Variants in CNGB3 observed in about 807,000 individuals in gnomAD.
CNGB3 encodes the protein cyclic nucleotide gated channel subunit beta 3.
A neutral mutation model predicts 92.8 loss-of-function variants in CNGB3; 86 were observed. The observed-to-expected ratio is 0.93, with a 90% CI of 0.78 to 1.11. The LOEUF (loss-of-function observed/expected upper bound fraction) is 1.11, where lower values mean the gene tolerates loss of function less well. CNGB3 is among the 50% of genes least tolerant of loss of function. CNGB3 has a pLI of 0.00. For missense variants in CNGB3, 1,026 were observed against 956.8 expected (o/e 1.07, Z -0.95); for synonymous variants, 333 against 332.7 (o/e 1.00, Z -0.01).
chr8:86,644,768 TA>T, intron 8 of CNGB3, 82 bp from the exon 9 acceptor site: 1 of 948,110 alleles, frequency 1.1e-6, no homozygotes, highest in East Asian at 3.4e-5. Flanking sequence ...AAATAGATTT[TA>T]TTACTGAAAA....
rs529936401 is a variant in CNGB3 at position 86,583,707 on chromosome 8, C to G, written c.1782-4455G>C. Reference sequence around the variant, plus strand: ...GGTTGAGGCAGGCAGATTGCTGGAGCCCAGGAGTTCGAGACCAGACTGGGC... The same window carrying G: ...GGTTGAGGCAGGCAGATTGCTGGAGGCCAGGAGTTCGAGACCAGACTGGGC... On this transcript the variant is annotated intron_variant, in intron 15 of 17. Transcript: ENST00000320005. Among the ~76,000 whole-genome samples the G allele has an allele frequency of 7.2e-5, 11 of 151,926 alleles. 1 individual carries two copies. The East Asian group carries it at 1.4e-3, about 19-fold the overall frequency.
At chr8:86,614,160 T>A (rs1365463934) in intron 13 of CNGB3, among the ~76,000 whole-genome samples, 1 of 152,022 alleles carries the variant, frequency 6.6e-6, no homozygotes, top group Non-Finnish European at 1.5e-5. Context: ...GGTTTCCAGT[T>A]CTCTACCTCT....
chr8:86,672,129 C>T (rs78304917), intron 3 of CNGB3, among the ~76,000 whole-genome samples: 1 of 152,118 alleles, frequency 6.6e-6, no homozygotes, highest in Non-Finnish European at 1.5e-5. Flanking sequence ...GACTGAGTCT[C>T]ACGTTGTCGC....
At chr8:86,739,974 T>C (rs373897493) in intron 1 of CNGB3, among the ~76,000 whole-genome samples, 3 of 152,210 alleles carry the variant, frequency 2.0e-5, no homozygotes, top group South Asian at 4.1e-4. Context: ...GTGTTTCTCT[T>C]GTTCACATTC....
chr8:86,732,195 CAG>C lies in CNGB3; in HGVS notation c.212-5540_212-5539del, dbSNP rs376398931. On this transcript the variant is annotated intron_variant, in intron 2 of 17. Coordinates refer to ENST00000320005, the MANE Select transcript of CNGB3 (RefSeq NM_019098.5). ...TCTGTTCTCTATTCAATATTTAAAA[CAG>C]GGTATGCTTTCCATGCCAAACTTCG... Among the ~76,000 whole-genome samples the C allele has an allele frequency of 2.3e-3, 351 of 152,232 alleles. 2 individuals carry two copies. Among genetic ancestry groups the C allele is most frequent in the African/African-American group, 7.9e-3 (327 of 41,524 alleles).
chr8:86,712,893 C>G (rs1187652038), intron 3 of CNGB3, among the ~76,000 whole-genome samples: 2 of 150,962 alleles, frequency 1.3e-5, no homozygotes, highest in African/African-American at 4.9e-5. Flanking sequence ...GCCTGGCTTT[C>G]TGGCTACTTT....
At chr8:86,665,082 C>T (rs148510237) in intron 6 of CNGB3, among the ~76,000 whole-genome samples, 1 of 152,182 alleles carries the variant, frequency 6.6e-6, no homozygotes, top group Non-Finnish European at 1.5e-5. Flanking sequence ...ATTTGCCTAG[C>T]GGTCACCATA....
chr8:86,671,503 T>A (rs1181918660), intron 3 of CNGB3, among the ~76,000 whole-genome samples: 1 of 152,200 alleles, frequency 6.6e-6, no homozygotes, highest in Non-Finnish European at 1.5e-5. Context: ...CCATCAGTAG[T>A]CCATGTTATG....
At chr8:86,617,079 G>A (rs1176220521) in intron 13 of CNGB3, among the ~76,000 whole-genome samples, 2 of 152,170 alleles carry the variant, frequency 1.3e-5, no homozygotes, top group Admixed American at 1.3e-4. Flanking sequence ...TTACCGATTT[G>A]AATGAGGATA....
chr8:86,618,175 T>G (rs749269712), intron 13 of CNGB3, among the ~76,000 whole-genome samples: 2 of 152,220 alleles, frequency 1.3e-5, no homozygotes, highest in Non-Finnish European at 2.9e-5. Context: ...TGGGTGGTAA[T>G]GCCAGCAATG....
At chr8:86,719,029 T>C (rs567768225) in intron 3 of CNGB3, among the ~76,000 whole-genome samples, 1 of 151,854 alleles carries the variant, frequency 6.6e-6, no homozygotes, top group Non-Finnish European at 1.5e-5. Flanking sequence ...CTTAAGGTAA[T>C]AAAAGCCATC....
intron 3 of CNGB3, among the ~76,000 whole-genome samples, chr8:86,720,716 A>G (rs1824950015): frequency 6.6e-6 from 1 of 151,966 alleles, no homozygotes; most frequent in Non-Finnish European, 1.5e-5. Context: ...ATAGCAGCAC[A>G]ATTTGCTGTT....
chr8:86,714,854 T>C (rs1411887371), intron 3 of CNGB3, among the ~76,000 whole-genome samples: 1 of 151,698 alleles, frequency 6.6e-6, no homozygotes, highest in Non-Finnish European at 1.5e-5. Flanking sequence ...TGGGAGCGGG[T>C]GAGGCCTGTG....
chr8:86,652,584 T>C (rs1823427603), intron 7 of CNGB3, among the ~76,000 whole-genome samples: 1 of 152,040 alleles, frequency 6.6e-6, no homozygotes, highest in Non-Finnish European at 1.5e-5. Flanking sequence ...AAAATGTTTT[T>C]ATTTTTACTT....
At chr8:86,740,190 G>C (rs765003380) in intron 1 of CNGB3, among the ~76,000 whole-genome samples, 3 of 152,168 alleles carry the variant, frequency 2.0e-5, no homozygotes, top group Non-Finnish European at 4.4e-5. Context: ...ACTAGACATG[G>C]CCAGTGTGTG....
At chr8:86,672,389 G>A (rs752851353) in intron 3 of CNGB3, among the ~76,000 whole-genome samples, 11 of 152,240 alleles carry the variant, frequency 7.2e-5, no homozygotes, top group South Asian at 6.2e-4. Context: ...TTGAGCCTCC[G>A]TCCCCAGCCA....
At chr8:86,688,897 G>T (rs1159394994) in intron 3 of CNGB3, among the ~76,000 whole-genome samples, 1 of 151,460 alleles carries the variant, frequency 6.6e-6, no homozygotes, top group African/African-American at 2.4e-5. Flanking sequence ...TTTACTTGAA[G>T]TTTTTCTACT....
chr8:86,586,384 G>A (rs1190474406), intron 15 of CNGB3, among the ~76,000 whole-genome samples: 1 of 150,854 alleles, frequency 6.6e-6, no homozygotes, highest in Non-Finnish European at 1.5e-5. Context: ...TGTGCACATT[G>A]TGCAGGTTAG....
chr8:86,591,308 A>G (rs1322087305), intron 15 of CNGB3, among the ~76,000 whole-genome samples: 7 of 86,700 alleles, frequency 8.1e-5, no homozygotes, highest in Admixed American at 2.9e-4. Flanking sequence ...GCTCAGAGTA[A>G]TTTGATCGTC....
Sources: allele counts gnomAD v4.1 joint callset (sites outside exome capture counted in the v4.1 genomes callset), GRCh38; gene constraint gnomAD v4.1.1; transcripts MANE v1.5; gene names NCBI Gene and HGNC (gene_info 2026-07-23, HGNC 2026-07-21).